Variants in RAB3C observed in about 807,000 individuals in gnomAD.
RAB3C encodes the protein RAB3C, member RAS oncogene family, also known as ras-related protein Rab-3C.
A neutral mutation model predicts 26.4 loss-of-function variants in RAB3C; 17 were observed. The observed-to-expected ratio is 0.64, with a 90% CI of 0.44 to 0.97. The LOEUF (loss-of-function observed/expected upper bound fraction) is 0.97. Ranked by LOEUF, RAB3C falls within the 50% of genes least tolerant of loss-of-function variation. The pLI is 0.00. For missense variants in RAB3C, 242 were observed against 281.9 expected, an observed-to-expected ratio of 0.86 and a Z score of 1.01; for synonymous variants, 91 against 95.9, an observed-to-expected ratio of 0.95 and a Z score of 0.30.
At chr5:58,653,794 A>G (rs539223716) in intron 2 of RAB3C, among the ~76,000 whole-genome samples, 1 of 152,344 alleles carries the variant, frequency 6.6e-6, no homozygotes, top group African/African-American at 2.4e-5. Context: ...AGATCTGGAC[A>G]TCATTAGTCT....
intron 2 of RAB3C, among the ~76,000 whole-genome samples, chr5:58,671,833 A>G (rs553074843): frequency 6.6e-6 from 1 of 152,246 alleles, no homozygotes; most frequent in South Asian, 2.1e-4. Context: ...GCAAAATACA[A>G]GTTTATTTAG....
intron 2 of RAB3C, among the ~76,000 whole-genome samples, chr5:58,716,488 A>T (rs1749176327): frequency 6.6e-6 from 1 of 152,114 alleles, no homozygotes; most frequent in Non-Finnish European, 1.5e-5. Context: ...CAGCACTGTG[A>T]CTTAGAACTG....
At chr5:58,642,785 G>A (rs1747435940) in intron 2 of RAB3C, among the ~76,000 whole-genome samples, 1 of 152,084 alleles carries the variant, frequency 6.6e-6, no homozygotes, top group Non-Finnish European at 1.5e-5. Flanking sequence ...GAAACATCGC[G>A]GGGAGTGCAA....
chr5:58,834,102 T>C (rs1266935291), intron 4 of RAB3C, among the ~76,000 whole-genome samples: 1 of 152,248 alleles, frequency 6.6e-6, no homozygotes, highest in Non-Finnish European at 1.5e-5. Flanking sequence ...ACCTTCTTTT[T>C]AGCAAAAGAC....
At position 58,825,022 on chromosome 5, in the gene RAB3C, C is replaced by A. The variant is rs1341415271; in HGVS notation, c.372-16C>A. On this transcript the variant is annotated splice_polypyrimidine_tract_variant and intron_variant, in intron 3 of 4. Transcript: ENST00000282878. The stretch of plus-strand genomic sequence containing the variant: ...GCTTTCCTCTGATTGTGTCATGCTT[C>A]TTCTTTTTCTTTTAGGTCAACTCAA... 1.3e-6 allele frequency: 2 copies of A among 1,583,732 alleles called. No individual in the cohort carries two copies. Among genetic ancestry groups the A allele is most frequent in the South Asian group, 2.3e-5 (2 of 87,708 alleles).
intron 3 of RAB3C, among the ~76,000 whole-genome samples, chr5:58,754,980 G>GA (rs200595118): frequency 2.9e-4 from 42 of 146,652 alleles, no homozygotes; most frequent in Admixed American, 3.4e-4. Flanking sequence ...ACAAACAAGT[G>GA]AAAAAAAAAA....
chr5:58,785,471 C>T (rs757652358), intron 3 of RAB3C, among the ~76,000 whole-genome samples: 4 of 152,212 alleles, frequency 2.6e-5, no homozygotes, highest in Admixed American at 2.6e-4. Flanking sequence ...AATATTCAAG[C>T]TTCTACTATT....
intron 2 of RAB3C, among the ~76,000 whole-genome samples, chr5:58,651,520 G>A (rs887392915): frequency 1.3e-5 from 2 of 152,070 alleles, no homozygotes; most frequent in African/African-American, 4.8e-5. Flanking sequence ...TCTTTTGTTT[G>A]CACATATTTC....
At chr5:58,680,810 T>C (rs1181183343) in intron 2 of RAB3C, among the ~76,000 whole-genome samples, 3 of 152,136 alleles carry the variant, frequency 2.0e-5, no homozygotes, top group Non-Finnish European at 4.4e-5. Flanking sequence ...TCCAAGATAC[T>C]CTCCTCATCT....
intron 1 of RAB3C, among the ~76,000 whole-genome samples, chr5:58,597,711 T>A (rs1234963230): frequency 3.8e-5 from 4 of 105,314 alleles, no homozygotes; most frequent in Non-Finnish European, 4.3e-5. Context: ...TATAATATAA[T>A]ATAGTACATT....
chr5:58,684,428 A>G (rs1038744886), intron 2 of RAB3C, among the ~76,000 whole-genome samples: 1 of 152,230 alleles, frequency 6.6e-6, no homozygotes, highest in Non-Finnish European at 1.5e-5. Flanking sequence ...CTAGAGATCC[A>G]CAGGCCTCAG....
At chr5:58,808,694 A>C (rs1056667034) in intron 3 of RAB3C, among the ~76,000 whole-genome samples, 3 of 152,218 alleles carry the variant, frequency 2.0e-5, no homozygotes, top group African/African-American at 7.2e-5. Context: ...ACTGAAACCT[A>C]ATCACTTTGA....
chr5:58,767,861 A>T (rs993122001), intron 3 of RAB3C, among the ~76,000 whole-genome samples: 2 of 152,206 alleles, frequency 1.3e-5, no homozygotes, highest in South Asian at 4.1e-4. Context: ...AGGCAAGAAA[A>T]ATATGGGTGA....
chr5:58,822,870 G>C lies in RAB3C; in HGVS notation c.372-2168G>C, dbSNP rs566908720. The C allele has an allele frequency of 4.4e-4, 282 of 638,306 alleles. 2 individuals carry two copies. Among genetic ancestry groups the C allele is most frequent in the South Asian group, 2.8e-3 (204 of 73,460 alleles). The allele number at this position is 638,306 out of a possible 1,614,324, so 39.5% of individuals were successfully genotyped here. On this transcript the variant is annotated intron_variant, in intron 3 of 4. Transcript: ENST00000282878. ...TTTGGCATGGACAGGATCTATGAAG[G>C]CCAAGTGGAGATGACTGGAGATTAA...
chr5:58,766,762 C>A (rs1741916247), intron 3 of RAB3C, among the ~76,000 whole-genome samples: 1 of 152,140 alleles, frequency 6.6e-6, no homozygotes, highest in Admixed American at 6.5e-5. Context: ...TAGATAAAGG[C>A]ATGGTGCAGG....
At chr5:58,691,097 TA>T (rs566480783) in intron 2 of RAB3C, among the ~76,000 whole-genome samples, 8,267 of 144,186 alleles carry the variant, frequency 0.057, 283 homozygotes, top group African/African-American at 0.1. Flanking sequence ...CAATTTCCAG[TA>T]AAAAAAAAAA....
chr5:58,781,084 C>G (rs1448959257), intron 3 of RAB3C, among the ~76,000 whole-genome samples: 1 of 151,900 alleles, frequency 6.6e-6, no homozygotes, highest in Non-Finnish European at 1.5e-5. Context: ...AGAACTGCAT[C>G]ATTTCTCAAG....
intron 1 of RAB3C, among the ~76,000 whole-genome samples, chr5:58,612,534 A>G (rs77331256): frequency 0.39 from 39,255 of 101,220 alleles, 6,402 homozygotes; most frequent in East Asian, 0.52. Context: ...ATATATATAT[A>G]TATATATATA....
chr5:58,713,197 C>T (rs1217385575), intron 2 of RAB3C, among the ~76,000 whole-genome samples: 1 of 152,024 alleles, frequency 6.6e-6, no homozygotes, highest in Non-Finnish European at 1.5e-5. Context: ...TTCAATACCT[C>T]AGGGGCCAGT....
Sources: allele counts gnomAD v4.1 joint callset (sites outside exome capture counted in the v4.1 genomes callset), GRCh38; gene constraint gnomAD v4.1.1; transcripts MANE v1.5; gene names NCBI Gene and HGNC (gene_info 2026-07-23, HGNC 2026-07-21).